The following SGCZ variants were observed in gnomAD, a reference collection of about 807,000 sequenced individuals.
The protein encoded by SGCZ is zeta-sarcoglycan.
A neutral mutation model predicts 41.3 loss-of-function variants in SGCZ; 40 were observed. The ratio of observed to expected loss-of-function variants is 0.97; its 90% CI spans 0.75 to 1.26. The LOEUF (loss-of-function observed/expected upper bound fraction) is 1.26, where lower values mean the gene tolerates loss of function less well. SGCZ is among the 50% of genes most tolerant of loss of function. The pLI, the probability that SGCZ is intolerant of heterozygous loss-of-function variation, is 0.00. For missense variants in SGCZ, 552 were observed against 369.8 expected (o/e 1.49, Z -4.04); for synonymous variants, 206 against 137.5 (o/e 1.50, Z -3.49).
At chr8:14,809,817 C>T (rs1469349477) in intron 1 of SGCZ, among the ~76,000 whole-genome samples, 1 of 151,958 alleles carries the variant, frequency 6.6e-6, no homozygotes, top group Non-Finnish European at 1.5e-5. Flanking sequence ...TAGCAAGATA[C>T]TGCAAAAGTA....
chr8:14,302,627 C>A (rs1242321103), intron 3 of SGCZ, among the ~76,000 whole-genome samples: 1 of 152,000 alleles, frequency 6.6e-6, no homozygotes, highest in African/African-American at 2.4e-5. Context: ...GCCCCTCTAC[C>A]TTTATGATTT....
intron 1 of SGCZ, among the ~76,000 whole-genome samples, chr8:14,749,714 C>T (rs988696839): frequency 2.6e-5 from 4 of 151,676 alleles, no homozygotes; most frequent in Admixed American, 1.3e-4. Context: ...AACTCAAATG[C>T]AGTAAGTTTT....
At chr8:14,523,169 A>G (rs1011479027) in intron 2 of SGCZ, among the ~76,000 whole-genome samples, 1 of 152,002 alleles carries the variant, frequency 6.6e-6, no homozygotes, top group Non-Finnish European at 1.5e-5. Context: ...AGAGTGTTGT[A>G]ATTCTTGCTT....
At chr8:14,463,888 T>C (rs1466222894) in intron 2 of SGCZ, among the ~76,000 whole-genome samples, 1 of 151,576 alleles carries the variant, frequency 6.6e-6, no homozygotes, top group African/African-American at 2.4e-5. Flanking sequence ...TCATGTGTTT[T>C]TCTGCCTTCA....
At chr8:14,874,109 T>C (rs1458068013) in intron 1 of SGCZ, among the ~76,000 whole-genome samples, 3 of 152,162 alleles carry the variant, frequency 2.0e-5, no homozygotes, top group South Asian at 2.1e-4. Context: ...TATACTTTAA[T>C]TGAAACTGCA....
intron 1 of SGCZ, among the ~76,000 whole-genome samples, chr8:14,873,437 T>A (rs1343744194): frequency 2.0e-5 from 3 of 152,134 alleles, no homozygotes; most frequent in African/African-American, 7.2e-5. Context: ...ATAGTACTAG[T>A]CATCAGTTAC....
At chr8:14,996,401 T>G (rs766498191) in intron 1 of SGCZ, among the ~76,000 whole-genome samples, 13 of 152,304 alleles carry the variant, frequency 8.5e-5, no homozygotes, top group Admixed American at 3.9e-4. Flanking sequence ...TATTTTATTT[T>G]GTTTTTGTTT....
intron 3 of SGCZ, among the ~76,000 whole-genome samples, chr8:14,247,121 A>G (rs1049336140): frequency 6.6e-6 from 1 of 152,116 alleles, no homozygotes; most frequent in African/African-American, 2.4e-5. Context: ...GATATTATCT[A>G]TGTATCAATC....
intron 2 of SGCZ, among the ~76,000 whole-genome samples, chr8:14,341,312 G>A (rs1802695908): frequency 6.6e-6 from 1 of 152,078 alleles, no homozygotes; most frequent in African/African-American, 2.4e-5. Context: ...TGCATCATGT[G>A]GTAATTTTAC....
chr8:14,549,022 C>T (rs776636509), intron 2 of SGCZ, among the ~76,000 whole-genome samples: 2 of 152,044 alleles, frequency 1.3e-5, no homozygotes, highest in Non-Finnish European at 2.9e-5. Context: ...GAAGTGTTAG[C>T]ACAGAGGCTG....
At chr8:14,926,832 G>A (rs962136381) in intron 1 of SGCZ, among the ~76,000 whole-genome samples, 1 of 151,840 alleles carries the variant, frequency 6.6e-6, no homozygotes, top group Non-Finnish European at 1.5e-5. Flanking sequence ...GTAGAGACAG[G>A]GTTTCACCAT....
At chr8:14,900,893 T>A (rs1047122261) in intron 1 of SGCZ, among the ~76,000 whole-genome samples, 3 of 152,212 alleles carry the variant, frequency 2.0e-5, no homozygotes, top group African/African-American at 7.2e-5. Context: ...TTTTGATTAA[T>A]TTGCACTCTA....
chr8:14,526,315 C>T (rs1247221811), intron 2 of SGCZ, among the ~76,000 whole-genome samples: 1 of 152,056 alleles, frequency 6.6e-6, no homozygotes, highest in African/African-American at 2.4e-5. Flanking sequence ...CAGTATATGG[C>T]AAAATTTCAC....
At chr8:15,146,639 A>C (rs917029254) in intron 1 of SGCZ, among the ~76,000 whole-genome samples, 2 of 152,246 alleles carry the variant, frequency 1.3e-5, no homozygotes, top group African/African-American at 4.8e-5. Flanking sequence ...ATAATACTAA[A>C]AGAAATCTCA....
intron 2 of SGCZ, among the ~76,000 whole-genome samples, chr8:14,457,723 C>G (rs542406240): frequency 1.3e-5 from 2 of 152,200 alleles, no homozygotes; most frequent in East Asian, 1.9e-4. Flanking sequence ...CTCTCTGCCT[C>G]GGCTGCCAGG....
intron 1 of SGCZ, among the ~76,000 whole-genome samples, chr8:14,760,262 A>G (rs1456979349): frequency 6.6e-6 from 1 of 152,176 alleles, no homozygotes; most frequent in Non-Finnish European, 1.5e-5. Context: ...TTTAACAACC[A>G]CTAAGTAAAT....
rs573806950 is a variant in SGCZ at position 14,996,253 on chromosome 8, T to C, written c.39+241332A>G. Among the ~76,000 whole-genome samples the C allele has an allele frequency of 2.6e-5, 4 of 152,284 alleles. No individual in the cohort carries two copies. The South Asian group carries it at 6.2e-4, about 24-fold the overall frequency. On this transcript the variant is annotated intron_variant, in intron 1 of 7. Coordinates refer to ENST00000382080, the MANE Select transcript of SGCZ (RefSeq NM_139167.4). ...CATTACTGAGAAATACTAATCTATATAAAAATGCAGCATTCTGAACCGCAT... is the reference window on the plus strand; with the variant it reads ...CATTACTGAGAAATACTAATCTATACAAAAATGCAGCATTCTGAACCGCAT...
At chr8:14,719,614 G>A (rs1016992101) in intron 1 of SGCZ, among the ~76,000 whole-genome samples, 1 of 152,036 alleles carries the variant, frequency 6.6e-6, no homozygotes, top group Non-Finnish European at 1.5e-5. Context: ...GAGATGGTGA[G>A]CATTTTTTCA....
chr8:14,589,961 A>T (rs1805188087), intron 1 of SGCZ, among the ~76,000 whole-genome samples: 1 of 152,130 alleles, frequency 6.6e-6, no homozygotes, highest in African/African-American at 2.4e-5. Flanking sequence ...TTTAAGAGCA[A>T]TTTGATGATT....
Sources: gnomAD v4.1 joint callset for allele counts (sites outside exome capture counted in the v4.1 genomes callset) on GRCh38, gnomAD v4.1.1 for gene constraint, MANE v1.5 for transcripts, NCBI Gene and HGNC (gene_info 2026-07-23, HGNC 2026-07-21) for gene names.